DENND2A: variants seen among roughly 807,000 people sequenced by gnomAD.
DENND2A encodes DENN domain-containing protein 2A.
Under a neutral mutation model 105.3 loss-of-function variants are expected in DENND2A, and 53 were observed. That is an observed-to-expected ratio of 0.50 (90% CI 0.40 to 0.63). DENND2A has a LOEUF of 0.63. Ranked by LOEUF, DENND2A falls within the 30% of genes least tolerant of loss-of-function variation. The pLI, the probability that DENND2A is intolerant of heterozygous loss-of-function variation, is 0.00. For missense variants in DENND2A, 1,138 were observed against 1,279.6 expected, an observed-to-expected ratio of 0.89 and a Z score of 1.69; for synonymous variants, 522 against 508.4, an observed-to-expected ratio of 1.03 and a Z score of -0.36.
At chr7:140,558,577 T>A (rs1288788286) in intron 10 of DENND2A, among the ~76,000 whole-genome samples, 1 of 151,398 alleles carries the variant, frequency 6.6e-6, no homozygotes, top group East Asian at 2.0e-4. Context: ...ATGCCTGTAA[T>A]CCCAGCTACT....
Position 140,601,777 on chromosome 7 carries a change from G to A in DENND2A, c.621C>T (p.Gly207=), listed in dbSNP as rs192613819. The change falls in exon 3 of 20, where the codon GGC becomes GGT. Residue 207 remains glycine (G), a synonymous_variant. Transcript: ENST00000496613. ...AGSTLPENLG[G]GSGSEVSQRV... is the part of the protein sequence containing the mutation. ...TCTGGCTGACTTCTGAGCCACTCCC[G>A]CCTCCCAGGTTCTCAGGAAGGGTGG... The A allele has an allele frequency of 1.6e-3, 2,577 of 1,613,996 alleles. 3 individuals are homozygous for A. The highest frequency in any genetic ancestry group is 2.0e-3 in the Non-Finnish European group (2,406 of 1,179,996).
rs577585052 is a variant in DENND2A at position 140,526,914 on chromosome 7, C to A, written c.2505+404G>T. Among the ~76,000 whole-genome samples, 21 of 152,278 alleles carry A rather than the reference C, an allele frequency of 1.4e-4. No individual in the cohort carries two copies. The East Asian group carries it at 3.3e-3, about 24-fold the overall frequency. On this transcript the variant is annotated intron_variant, in intron 15 of 19. Transcript: ENST00000496613. ...TTCCCCGCTTCGATGCTAAACTGGA[C>A]ACCCAGAACTTGGGGATTAAAAACA...
chr7:140,552,337 T>C (rs1228148078), intron 12 of DENND2A, among the ~76,000 whole-genome samples: 1 of 151,722 alleles, frequency 6.6e-6, no homozygotes, highest in East Asian at 1.9e-4. Context: ...CTTCCTTCCT[T>C]TCCCTCTCTC....
rs994065961 is a variant in DENND2A, at chr7:140,551,464, C to T, written c.2037+4172G>A. ...CCCTTTTGTGCCTCTGCCATTGCCA[C>T]GAGAAGAGCACATGTGGGCCATCTC... On this transcript the variant is annotated intron_variant, in intron 12 of 19. Coordinates refer to ENST00000496613, the MANE Select transcript of DENND2A (RefSeq NM_015689.5). Among the ~76,000 whole-genome samples, 4 of 152,194 alleles carry T rather than the reference C, an allele frequency of 2.6e-5. No individual in the cohort carries two copies. The East Asian group carries it at 5.8e-4, about 22-fold the overall frequency.
chr7:140,594,204 G>A (rs1217499408), intron 3 of DENND2A, among the ~76,000 whole-genome samples: 2 of 152,028 alleles, frequency 1.3e-5, no homozygotes, highest in Non-Finnish European at 2.9e-5. Context: ...CACCGTGCCC[G>A]GCCTTAAACA....
chr7:140,635,904 G>A lies in DENND2A; in HGVS notation c.-248+4600C>T, dbSNP rs371506211. On this transcript the variant is annotated intron_variant, in intron 1 of 19. Transcript: ENST00000496613. ...ACATTGATTTTAAGGCCAGGGTAAA[G>A]AAGAGTCTGACTCTGGCTTCCCAGC... Among the ~76,000 whole-genome samples the A allele has an allele frequency of 1.5e-4, 23 of 152,338 alleles. 1 individual carries two copies. The East Asian group carries it at 3.1e-3, about 20-fold the overall frequency.
chr7:140,550,847 G>C (rs577314279), intron 12 of DENND2A, among the ~76,000 whole-genome samples: 1 of 152,230 alleles, frequency 6.6e-6, no homozygotes, highest in South Asian at 2.1e-4. Context: ...TGAGTGTAAT[G>C]GCACCGAACT....
At chr7:140,575,148 T>C (rs1298571119) in intron 5 of DENND2A, among the ~76,000 whole-genome samples, 1 of 151,986 alleles carries the variant, frequency 6.6e-6, no homozygotes, top group African/African-American at 2.4e-5. Flanking sequence ...AGAAAAAGAC[T>C]AATGACTCAA....
At chr7:140,634,191 G>T (rs1173323156) in intron 1 of DENND2A, among the ~76,000 whole-genome samples, 3 of 151,754 alleles carry the variant, frequency 2.0e-5, no homozygotes, top group Admixed American at 1.3e-4. Context: ...GTAGAGACGG[G>T]GTTTCACCGT....
At position 140,523,941 on chromosome 7, in the gene DENND2A, G is replaced by T. The variant is rs1047897086; in HGVS notation, c.2548-517C>A. Among the ~76,000 whole-genome samples, 1 of 152,138 alleles carries T rather than the reference G, an allele frequency of 6.6e-6. No individual in the cohort carries two copies. The highest frequency in any genetic ancestry group is 6.5e-5 in the Admixed American group (1 of 15,276). Reference sequence around the variant, plus strand: ...TGTAAAATGGACTACCAATCAATCTGTACCTTGTTGTGAAGCTACAATGGA... The same window carrying T: ...TGTAAAATGGACTACCAATCAATCTTTACCTTGTTGTGAAGCTACAATGGA... On this transcript the variant is annotated intron_variant, in intron 16 of 19. Transcript: ENST00000496613. This position sits in a 1 kb window ranked among gnomAD's most constrained non-coding sequence, Gnocchi z 4.5.
intron 5 of DENND2A, among the ~76,000 whole-genome samples, chr7:140,583,752 C>T (rs1263975282): frequency 2.7e-5 from 4 of 146,752 alleles, no homozygotes; most frequent in African/African-American, 5.3e-5. Context: ...TGGTGAAACC[C>T]CGTCTCTACT....
chr7:140,549,085 C>G (rs1022705286), intron 12 of DENND2A, among the ~76,000 whole-genome samples: 8 of 151,656 alleles, frequency 5.3e-5, no homozygotes, highest in Non-Finnish European at 1.0e-4. Context: ...GGCGTGGTGG[C>G]AGGCTATATT....
intron 9 of DENND2A, among the ~76,000 whole-genome samples, chr7:140,562,461 A>T (rs913161657): frequency 1.6e-4 from 24 of 152,094 alleles, no homozygotes; most frequent in Non-Finnish European, 3.1e-4. Flanking sequence ...GGAGATCGAG[A>T]CCATCCTGGC....
chr7:140,552,527 C>G (rs916421382), intron 12 of DENND2A, among the ~76,000 whole-genome samples: 3 of 151,764 alleles, frequency 2.0e-5, no homozygotes, highest in Non-Finnish European at 2.9e-5. Flanking sequence ...TCCCAGGTAG[C>G]TGGAACTACA....
chr7:140,568,830 A>G lies in DENND2A; in HGVS notation c.1541-17T>C. On this transcript the variant is annotated splice_polypyrimidine_tract_variant and intron_variant, in intron 7 of 19. Coordinates refer to ENST00000496613, the MANE Select transcript of DENND2A (RefSeq NM_015689.5). ...CATCTGTCACTAGAAGAAAAGAACA[A>G]GGAAGAAAATTGCAAATGTGAGTTC... 1 of 1,613,958 alleles carries G rather than the reference A, an allele frequency of 6.2e-7. No individual in the cohort carries two copies. The highest frequency in any genetic ancestry group is 2.2e-5 in the East Asian group (1 of 44,882).
intron 1 of DENND2A, among the ~76,000 whole-genome samples, chr7:140,624,406 C>T (rs575167196): frequency 6.6e-6 from 1 of 152,166 alleles, no homozygotes; most frequent in Admixed American, 6.5e-5. Context: ...ACTGGAAAAG[C>T]GCCTGGCACA....
intron 9 of DENND2A, among the ~76,000 whole-genome samples, chr7:140,566,167 G>T (rs1797827967): frequency 6.6e-6 from 1 of 152,080 alleles, no homozygotes; most frequent in Non-Finnish European, 1.5e-5. Context: ...GAGTAGCTGG[G>T]ATTATAGGCG....
In DENND2A at chr7:140,567,269, G is replaced by A. The variant is rs1052116130; in HGVS notation, c.1596C>T (p.His532=). Residue 532 remains histidine (H), a synonymous_variant, in exon 9 of 20, where the codon CAC becomes CAT. Coordinates refer to ENST00000496613, the MANE Select transcript of DENND2A (RefSeq NM_015689.5). The part of the protein sequence containing the change: ...DSDTEEKLKA[H]SQRLVNVKSR... ...ACTTCACGTTGACCAGGCGCTGGCT[G>A]TGAGCTGGGTGAGGGAGGGAGAGAG... 3.1e-6 allele frequency: 5 copies of A among 1,604,734 alleles called. No individual in the cohort carries two copies. The highest frequency in any genetic ancestry group is 2.2e-5 in the East Asian group (1 of 44,712).
intron 18 of DENND2A, among the ~76,000 whole-genome samples, chr7:140,520,589 C>T (rs1425883718): frequency 1.3e-5 from 2 of 151,248 alleles, no homozygotes; most frequent in Admixed American, 6.6e-5. Context: ...GATAGAGTTT[C>T]GCTGTGTCAC....
Sources: allele counts gnomAD v4.1 joint callset (sites outside exome capture counted in the v4.1 genomes callset), GRCh38; gene constraint gnomAD v4.1.1; non-coding constraint Gnocchi (gnomAD v3.1); transcripts MANE v1.5; gene names NCBI Gene and HGNC (gene_info 2026-07-23, HGNC 2026-07-21).